BAMBI: variants seen among roughly 807,000 people sequenced by gnomAD.
BAMBI encodes BMP and activin membrane bound inhibitor, also known as BMP and activin membrane-bound inhibitor homolog.
A neutral mutation model predicts 24.1 loss-of-function variants in BAMBI; 21 were observed. The observed-to-expected ratio is 0.87, with a 90% CI of 0.62 to 1.26. The LOEUF is 1.26. Among genes scored for constraint, BAMBI ranks in the 50% most tolerant of loss-of-function variants. The pLI is 0.00. For missense variants in BAMBI, 388 were observed against 329.1 expected (o/e 1.18, Z -1.38); for synonymous variants, 156 against 123.1 (o/e 1.27, Z -1.77).
Position 28,681,338 on chromosome 10 carries a change from T to C in BAMBI, c.157T>C (p.Ser53Pro). 1 of 1,614,184 alleles carries C rather than the reference T, an allele frequency of 6.2e-7. No individual in the cohort carries two copies. Among genetic ancestry groups the C allele is most frequent in the Non-Finnish European group, 8.5e-7 (1 of 1,180,038 alleles). ...MCKSELSACFSRLLDPQNSNS... is the reference protein window; with the variant it reads ...MCKSELSACFPRLLDPQNSNS... The stretch of plus-strand genomic sequence containing the variant: ...TAAATCTGAGCTCAGCGCCTGCTTC[T>C]CTAGACTTCTTGATCCTCAGAACTC... The change falls in exon 2 of 3, where the codon TCT (serine) becomes CCT (proline). Residue 53 changes from serine (S) to proline (P), a missense_variant. Transcript: ENST00000375533.
intron 1 of BAMBI, among the ~76,000 whole-genome samples, chr10:28,678,176 G>T (rs1834457774): frequency 6.6e-6 from 1 of 152,246 alleles, no homozygotes. Context: ...GCGCTGATCA[G>T]AGGGTCCTCC....
chr10:28,681,585 C>CA (rs2132946644), intron 2 of BAMBI, 40 bp downstream of exon 2: 1 of 1,596,752 alleles, frequency 6.3e-7, no homozygotes, highest in African/African-American at 1.3e-5. Context: ...CCTGCCTGAT[C>CA]TATAGACTTG....
At chr10:28,678,377 G>C (rs1387339459) in intron 1 of BAMBI, among the ~76,000 whole-genome samples, 1 of 152,222 alleles carries the variant, frequency 6.6e-6, no homozygotes, top group African/African-American at 2.4e-5. Flanking sequence ...CTGTGAGTGT[G>C]TCTCTGAGTC....
intron 2 of BAMBI, 189 bp downstream of exon 2, chr10:28,681,734 C>T (rs1181975432): frequency 2.6e-6 from 2 of 761,452 alleles, no homozygotes; most frequent in South Asian, 3.8e-5. Context: ...TGTCTGTCTA[C>T]ATAATAGGTT....
intron 1 of BAMBI, among the ~76,000 whole-genome samples, chr10:28,678,465 C>T (rs1028834758): frequency 6.6e-6 from 1 of 152,192 alleles, no homozygotes; most frequent in Non-Finnish European, 1.5e-5. Flanking sequence ...CTGTATCACT[C>T]AGCGTATCTC....
intron 1 of BAMBI, among the ~76,000 whole-genome samples, chr10:28,678,449 G>C (rs1440036724): frequency 1.3e-5 from 2 of 152,234 alleles, no homozygotes; most frequent in Non-Finnish European, 2.9e-5. Flanking sequence ...AAGTGTGTCT[G>C]AACCTCTGTA....
chr10:28,681,961 C>A (rs760676789), intron 2 of BAMBI, 22 bp from the exon 3 acceptor site: 10 of 1,585,180 alleles, frequency 6.3e-6, no homozygotes, highest in South Asian at 2.3e-5. Context: ...GGAGTTTGAT[C>A]ATTTTCTTTG....
Position 28,677,909 on chromosome 10 carries a change from C to A in BAMBI, c.12C>A (p.His4Gln). 6.6e-7 allele frequency: 1 copy of A among 1,521,856 alleles called. No individual in the cohort carries two copies. The highest frequency in any genetic ancestry group is 8.8e-7 in the Non-Finnish European group (1 of 1,141,470). 94.3% of individuals were successfully genotyped at this position (1,521,856 alleles called of 1,614,324 possible). A position where few individuals can be genotyped will look rare whatever the true frequency, so the allele number is the denominator to read the frequency against. Residue 4 changes from histidine (H) to glutamine (Q), a missense_variant, in exon 1 of 3, where the codon CAC becomes CAA. By Grantham distance (24) the His-to-Gln change is conservative. Coordinates refer to ENST00000375533, the MANE Select transcript of BAMBI (RefSeq NM_012342.3). ...CGTGCGGGGCGTCAATGGATCGCCA[C>A]TCCAGCTACATCTTCATCTGGCTGC... MDR[H>Q]SSYIFIWLQL...
intron 1 of BAMBI, 61 bp from the exon 2 acceptor site, chr10:28,681,197 T>G: frequency 6.4e-7 from 1 of 1,550,928 alleles, no homozygotes; most frequent in East Asian, 2.2e-5. Context: ...AGCAGTTGCC[T>G]AAATAGTTGC....
intron 1 of BAMBI, among the ~76,000 whole-genome samples, chr10:28,678,269 C>T (rs955504932): frequency 3.3e-5 from 5 of 152,204 alleles, no homozygotes; most frequent in Non-Finnish European, 5.9e-5. Context: ...GCCGCTTCCG[C>T]ACCCTGGGGG....
At position 28,682,134 on chromosome 10, in the gene BAMBI, C is replaced by A. The variant is rs1360248476; in HGVS notation, c.516C>A (p.Ala172=). The part of the protein sequence containing the change: ...GLILVLLIML[A]LRMLRSENKR... The stretch of plus-strand genomic sequence containing the variant: ...TTTTAGTGTTGCTTATTATGTTGGC[C>A]CTGAGGATGCTTCGAAGTGAAAATA... Residue 172 remains alanine, a synonymous_variant, in exon 3 of 3, where the codon GCC becomes GCA. Coordinates refer to ENST00000375533, the MANE Select transcript of BAMBI (RefSeq NM_012342.3). The A allele has an allele frequency of 1.2e-6, 2 of 1,613,962 alleles. No individual in the cohort carries two copies. Among genetic ancestry groups the A allele is most frequent in the African/African-American group, 2.7e-5 (2 of 74,882 alleles).
intron 2 of BAMBI, 194 bp downstream of exon 2, chr10:28,681,739 T>A (rs1262884112): frequency 1.3e-6 from 1 of 757,962 alleles, no homozygotes; most frequent in Non-Finnish European, 2.1e-6. Flanking sequence ...GTCTACATAA[T>A]AGGTTTTGCC....
intron 1 of BAMBI, among the ~76,000 whole-genome samples, chr10:28,679,124 T>A (rs960855373): frequency 1.1e-4 from 17 of 152,298 alleles, no homozygotes; most frequent in African/African-American, 3.8e-4. Flanking sequence ...TAACCCTAAA[T>A]AACAGCCCTT....
At chr10:28,680,563 A>T (rs1219028272) in intron 1 of BAMBI, among the ~76,000 whole-genome samples, 25 of 152,112 alleles carry the variant, frequency 1.6e-4, no homozygotes, top group Admixed American at 1.6e-3. Context: ...ACCTTTTATG[A>T]CTTTCCATTT....
intron 1 of BAMBI, among the ~76,000 whole-genome samples, chr10:28,678,605 C>G (rs147239085): frequency 1.4e-3 from 210 of 152,150 alleles, no homozygotes; most frequent in Non-Finnish European, 2.0e-3. Flanking sequence ...GTGTCTGTCT[C>G]TAAGTGTCTT....
At position 28,682,063 on chromosome 10, in the gene BAMBI, T is replaced by C. The variant is rs775361658; in HGVS notation, c.445T>C (p.Trp149Arg). The C allele has an allele frequency of 2.5e-6, 4 of 1,614,156 alleles. No individual in the cohort carries two copies. Among genetic ancestry groups the C allele is most frequent in the Non-Finnish European group, 3.4e-6 (4 of 1,180,024 alleles). Reference protein sequence around the residue: ...VQELTSSKELWFRAAVIAVPI... With the variant: ...VQELTSSKELRFRAAVIAVPI... Reference sequence around the variant, plus strand: ...GGAGCTGACTTCTTCCAAAGAGTTGTGGTTCCGGGCAGCGGTCATTGCCGT... The same window carrying C: ...GGAGCTGACTTCTTCCAAAGAGTTGCGGTTCCGGGCAGCGGTCATTGCCGT... The change falls in exon 3 of 3, where the codon TGG (tryptophan) becomes CGG (arginine). Residue 149 changes from tryptophan to arginine, a missense_variant. By Grantham distance (101) the Trp-to-Arg change is moderately radical. Transcript: ENST00000375533.
At chr10:28,681,908 A>C in intron 2 of BAMBI, 75 bp from the exon 3 acceptor site, 1 of 1,360,900 alleles carries the variant, frequency 7.3e-7, no homozygotes, top group Non-Finnish European at 1.0e-6. Context: ...TTCTTGGTTA[A>C]AATGAATTGA....
At position 28,682,274 on chromosome 10, in the gene BAMBI, T is replaced by A. The variant is rs1399945624; in HGVS notation, c.656T>A (p.Val219Asp). Reference sequence around the variant, plus strand: ...TTAGACTTGGAATGCATGGTGCCGGTCAGTGGGCACGAGAACTGCTGTCTG... The same window carrying A: ...TTAGACTTGGAATGCATGGTGCCGGACAGTGGGCACGAGAACTGCTGTCTG... ...AKLDLECMVP[V>D]SGHENCCLTC... Residue 219 changes from valine to aspartate, a missense_variant, in exon 3 of 3, where the codon GTC (valine) becomes GAC (aspartate). Physicochemically the swap from Val to Asp is radical, Grantham distance 152. Coordinates refer to ENST00000375533, the MANE Select transcript of BAMBI (RefSeq NM_012342.3). 3.1e-6 allele frequency: 5 copies of A among 1,614,030 alleles called. No individual in the cohort carries two copies. Among genetic ancestry groups the A allele is most frequent in the Non-Finnish European group, 4.2e-6 (5 of 1,180,026 alleles).
At chr10:28,681,935 TAGG>T in intron 2 of BAMBI, 45 bp from the exon 3 acceptor site, 1 of 1,501,624 alleles carries the variant, frequency 6.7e-7, no homozygotes, top group Non-Finnish European at 9.1e-7. Context: ...TGAATATCCC[TAGG>T]AGGAGTTAGC....
Sources: allele counts gnomAD v4.1 joint callset (sites outside exome capture counted in the v4.1 genomes callset), GRCh38; gene constraint gnomAD v4.1.1; transcripts MANE v1.5; gene names NCBI Gene and HGNC (gene_info 2026-07-23, HGNC 2026-07-21).